The following DNAAF19 variants were observed in gnomAD, a reference collection of about 807,000 sequenced individuals.
DNAAF19 encodes the protein dynein axonemal assembly factor 19, also known as coiled-coil domain containing 103.
chr17:44,904,293 A>G, the DNAAF19 span: 45 of 1,548,698 alleles, frequency 2.9e-5, 1 homozygote, highest in East Asian at 1.0e-3. Flanking sequence ...GACAAGGGCC[A>G]GGAGCCCTTT....
At chr17:44,904,810 C>G in the DNAAF19 span, 2 of 1,550,572 alleles carry the variant, frequency 1.3e-6, no homozygotes, top group Non-Finnish European at 1.7e-6. Context: ...TTGACCACGG[C>G]AACCAGCTCC....
At chr17:44,904,082 C>T in the DNAAF19 span, 47 of 1,550,484 alleles carry the variant, frequency 3.0e-5, no homozygotes, top group African/African-American at 8.2e-5. Flanking sequence ...CTTTGATGGG[C>T]GGGTGCTGAC....
the DNAAF19 span, among the ~76,000 whole-genome samples, chr17:44,901,819 A>G: frequency 2.0e-5 from 3 of 152,166 alleles, no homozygotes; most frequent in African/African-American, 7.2e-5. Context: ...AATCCCAGAA[A>G]GAAAAACAAA....
chr17:44,901,021 A>G, the DNAAF19 span: 61 of 1,603,954 alleles, frequency 3.8e-5, no homozygotes, highest in Non-Finnish European at 2.5e-6. Context: ...GACATCATCA[A>G]CTTCAAGGCT....
chr17:44,901,701 G>A, the DNAAF19 span: 11 of 1,585,358 alleles, frequency 6.9e-6, no homozygotes, highest in Admixed American at 2.0e-4. Flanking sequence ...CTGCCCTAAA[G>A]CTTCAATCCT....
At chr17:44,904,048 C>T in the DNAAF19 span, 76 of 1,550,546 alleles carry the variant, frequency 4.9e-5, no homozygotes, top group African/African-American at 6.8e-5. Flanking sequence ...ACCTAGGTAG[C>T]AGCCACACCA....
the DNAAF19 span, chr17:44,903,086 C>G: frequency 1.5e-6 from 2 of 1,350,516 alleles, no homozygotes; most frequent in Non-Finnish European, 1.9e-6. Context: ...TGCCAAGCCT[C>G]TAGCCCACTG....
chr17:44,904,358 C>T, the DNAAF19 span: 1 of 1,543,704 alleles, frequency 6.5e-7, no homozygotes, highest in Non-Finnish European at 8.8e-7. Context: ...GGAATGGACC[C>T]CCTGTGACCG....
At chr17:44,901,409 T>C in the DNAAF19 span, 5 of 1,264,330 alleles carry the variant, frequency 4.0e-6, no homozygotes, top group South Asian at 5.7e-5. Flanking sequence ...GTTATTATTA[T>C]GGTCATATTG....
the DNAAF19 span, chr17:44,902,261 T>G: frequency 7.3e-5 from 106 of 1,449,292 alleles, no homozygotes; most frequent in Non-Finnish European, 9.1e-5. Context: ...CAGACAGTAG[T>G]GAGATGAAGA....
chr17:44,905,092 G>A, the DNAAF19 span: 1 of 1,498,576 alleles, frequency 6.7e-7, no homozygotes, highest in Non-Finnish European at 9.0e-7. Context: ...CAGCTCTGAA[G>A]ACCAGTTGTC....
chr17:44,902,660 G>T, the DNAAF19 span: 3 of 1,614,056 alleles, frequency 1.9e-6, no homozygotes, highest in Admixed American at 1.7e-5. Flanking sequence ...AGAGAGAGCT[G>T]CAAGGGCTTG....
At chr17:44,903,098 C>T in the DNAAF19 span, 1 of 1,331,776 alleles carries the variant, frequency 7.5e-7, no homozygotes, top group African/African-American at 1.5e-5. Flanking sequence ...AGCCCACTGG[C>T]CTTGAGAGAT....
the DNAAF19 span, chr17:44,904,631 T>C: frequency 1.3e-6 from 2 of 1,550,578 alleles, no homozygotes; most frequent in Non-Finnish European, 1.7e-6. Flanking sequence ...CAGCCGGCCC[T>C]GGGTGCCCCA....
chr17:44,904,731 A>G, the DNAAF19 span: 3 of 1,550,534 alleles, frequency 1.9e-6, no homozygotes, highest in Admixed American at 2.0e-5. Flanking sequence ...GTGGCCTGGG[A>G]CAAAGACCGC....
At chr17:44,903,949 T>C in the DNAAF19 span, 1 of 1,550,524 alleles carries the variant, frequency 6.4e-7, no homozygotes, top group Non-Finnish European at 8.7e-7. Flanking sequence ...TGTTTGAAAA[T>C]GCAGCCTACC....
At chr17:44,903,715 C>A in the DNAAF19 span, 1 of 1,440,468 alleles carries the variant, frequency 6.9e-7, no homozygotes, top group Non-Finnish European at 9.1e-7. Flanking sequence ...CTTTTCCTGG[C>A]TGCATAATCC....
At chr17:44,904,374 G>A in the DNAAF19 span, 1 of 1,543,756 alleles carries the variant, frequency 6.5e-7, no homozygotes, top group East Asian at 2.5e-5. Context: ...GACCGCTGCG[G>A]AGTGCGTGGG....
At chr17:44,901,428 C>T in the DNAAF19 span, 7 of 1,414,964 alleles carry the variant, frequency 4.9e-6, no homozygotes, top group African/African-American at 8.6e-5. Flanking sequence ...TGGTCCGTAA[C>T]AGGTTTATCC....
Sources: allele counts gnomAD v4.1 joint callset (sites outside exome capture counted in the v4.1 genomes callset), GRCh38; gene constraint gnomAD v4.1.1; transcripts MANE v1.5; gene names NCBI Gene and HGNC (gene_info 2026-07-23, HGNC 2026-07-21).